ABCC1: variants seen among roughly 807,000 people sequenced by gnomAD.
The protein encoded by ABCC1 is multidrug resistance-associated protein 1.
ABCC1 carries 83 observed loss-of-function variants against 172.9 expected under a neutral mutation model. That is an observed-to-expected ratio of 0.48 (90% CI 0.40 to 0.58). The LOEUF is 0.58. Ranked by LOEUF, ABCC1 falls within the 20% of genes least tolerant of loss-of-function variation. The probability of loss-of-function intolerance (pLI) is 0.00; values close to 1 mark genes in which losing one functional copy is unlikely to be tolerated. For missense variants in ABCC1, 1,817 were observed against 2,002.7 expected (o/e 0.91, Z 1.77); for synonymous variants, 937 against 825.2 (o/e 1.14, Z -2.32).
At chr16:16,059,049 C>T (rs1003835645) in intron 12 of ABCC1, among the ~76,000 whole-genome samples, 4 of 151,814 alleles carry the variant, frequency 2.6e-5, no homozygotes, top group Admixed American at 6.6e-5. Context: ...GCTTTCCTAA[C>T]ATATCCCTAG....
At chr16:16,118,339 A>G (rs1420854537) in intron 23 of ABCC1, among the ~76,000 whole-genome samples, 1 of 147,518 alleles carries the variant, frequency 6.8e-6, no homozygotes, top group Non-Finnish European at 1.5e-5. Flanking sequence ...TGGCCCAATG[A>G]TTGATGAGAA....
intron 28 of ABCC1, among the ~76,000 whole-genome samples, chr16:16,136,253 A>G (rs2045913119): frequency 1.3e-5 from 2 of 151,956 alleles, no homozygotes; most frequent in African/African-American, 4.8e-5. Context: ...CGAACTCCTG[A>G]CCTTAAGTGA....
At chr16:16,118,883 T>TAAAAAAAA (rs397855738) in intron 23 of ABCC1, among the ~76,000 whole-genome samples, 6 of 118,426 alleles carry the variant, frequency 5.1e-5, no homozygotes, top group African/African-American at 6.4e-5. Context: ...AAGTGTATAT[T>TAAAAAAAA]AAAAAAAAAA....
intron 1 of ABCC1, among the ~76,000 whole-genome samples, chr16:15,969,187 G>C (rs1371610140): frequency 6.6e-6 from 1 of 152,152 alleles, no homozygotes; most frequent in African/African-American, 2.4e-5. Flanking sequence ...CTGGGCAACA[G>C]AGCAAGACTC....
chr16:16,065,608 T>G (rs2050082892), intron 12 of ABCC1, among the ~76,000 whole-genome samples: 1 of 152,094 alleles, frequency 6.6e-6, no homozygotes, highest in Non-Finnish European at 1.5e-5. Flanking sequence ...AATTTTTGTA[T>G]TTTTAGTAGA....
intron 1 of ABCC1, among the ~76,000 whole-genome samples, chr16:15,983,383 C>T (rs1379836884): frequency 1.3e-5 from 2 of 152,054 alleles, no homozygotes; most frequent in Non-Finnish European, 2.9e-5. Context: ...GTTTTCAGCG[C>T]AGTGTGAAGG....
chr16:15,954,796 G>T (rs71378214), intron 1 of ABCC1, among the ~76,000 whole-genome samples: 4 of 151,930 alleles, frequency 2.6e-5, no homozygotes, highest in South Asian at 4.2e-4. Context: ...GTGGTAGATG[G>T]GGGGGAAGAA....
chr16:16,121,682 T>C (rs190907310), intron 23 of ABCC1, among the ~76,000 whole-genome samples: 9 of 152,296 alleles, frequency 5.9e-5, no homozygotes, highest in African/African-American at 1.9e-4. Flanking sequence ...AATGAGCACC[T>C]CAGGTTTTTT....
rs574813083 is a variant in ABCC1, at chr16:15,981,364, G to A, written c.49-26452G>A. On this transcript the variant is annotated intron_variant, in intron 1 of 30. Coordinates refer to ENST00000399410, the MANE Select transcript of ABCC1 (RefSeq NM_004996.4). ...GCCCTAGCAGAGGTTCTCCATGAGG[G>A]CTCCACTGCTGCAGCAAACTTCTGC... Among the ~76,000 whole-genome samples, 8 of 152,342 alleles carry A rather than the reference G, an allele frequency of 5.3e-5. No individual in the cohort carries two copies. In the South Asian group the frequency reaches 1.7e-3, roughly 32 times the overall value.
chr16:16,009,739 C>T (rs573253198), intron 2 of ABCC1, 37 bp from the exon 3 acceptor site: 67 of 1,544,836 alleles, frequency 4.3e-5, no homozygotes, highest in South Asian at 3.5e-4. Flanking sequence ...GGTTCCAGGG[C>T]GGTCTGTTGT....
At chr16:16,138,648 T>G (rs994658937) in intron 30 of ABCC1, 90 bp downstream of exon 30, 10 of 1,094,130 alleles carry the variant, frequency 9.1e-6, no homozygotes, top group Admixed American at 3.3e-5. Context: ...TTCAACACTG[T>G]CCTTATCCCT....
chr16:16,034,649 A>G (rs2048687160), intron 6 of ABCC1, among the ~76,000 whole-genome samples: 1 of 137,000 alleles, frequency 7.3e-6, no homozygotes, highest in East Asian at 2.2e-4. Context: ...GTGCAGTGGC[A>G]GGACCTCAGC....
rs376570605 is a variant in ABCC1, at chr16:16,033,067, C to A, written c.616-42C>A. On this transcript the variant is annotated intron_variant, in intron 5 of 30. Coordinates refer to ENST00000399410, the MANE Select transcript of ABCC1 (RefSeq NM_004996.4). ...GACCTGGATGAAAAGTCAAATCATT[C>A]CTTTCCCTCTTCCTCCCAAACCTGT... 3.0e-5 allele frequency: 48 copies of A among 1,590,654 alleles called. No homozygotes were observed. The African/African-American group carries it at 5.9e-4, about 20-fold the overall frequency.
intron 26 of ABCC1, among the ~76,000 whole-genome samples, chr16:16,128,660 C>T (rs2045546074): frequency 6.6e-6 from 1 of 152,098 alleles, no homozygotes; most frequent in African/African-American, 2.4e-5. Context: ...CAATTATGTA[C>T]ATAAATTATA....
rs2045988932 is a variant in ABCC1, at chr16:16,138,224, C to CA, written c.4293-139dup. The CA allele has an allele frequency of 1.1e-5, 7 of 651,580 alleles. No homozygotes were observed. In the East Asian group the frequency reaches 1.9e-4, roughly 18 times the overall value. 40.4% of individuals were successfully genotyped at this position (651,580 alleles called of 1,614,324 possible). A position where few individuals can be genotyped will look rare whatever the true frequency, so the allele number is the denominator to read the frequency against. On this transcript the variant is annotated intron_variant, in intron 29 of 30. Transcript: ENST00000399410. ...ATTGATTAGTGATGTCTGCTGCAGACACAGATGTTGGGAGTGGACATGCTT... is the reference window on the plus strand; with the variant it reads ...ATTGATTAGTGATGTCTGCTGCAGACAACAGATGTTGGGAGTGGACATGCTT...
At chr16:15,958,042 G>A (rs1002506477) in intron 1 of ABCC1, among the ~76,000 whole-genome samples, 4 of 152,288 alleles carry the variant, frequency 2.6e-5, no homozygotes, top group African/African-American at 7.2e-5. Context: ...CCAGTTTGCC[G>A]CAGTCCCCAC....
chr16:16,118,924 G>C (rs7205368), intron 23 of ABCC1, among the ~76,000 whole-genome samples: 1 of 142,352 alleles, frequency 7.0e-6, no homozygotes, highest in Non-Finnish European at 1.5e-5. Context: ...GCAGTGCTTA[G>C]AATGTTCTCA....
At chr16:16,085,578 G>A (rs1024594078) in intron 17 of ABCC1, among the ~76,000 whole-genome samples, 2 of 152,164 alleles carry the variant, frequency 1.3e-5, no homozygotes, top group African/African-American at 4.8e-5. Flanking sequence ...TCAGGAGTTC[G>A]AGACCAGCCT....
intron 16 of ABCC1, among the ~76,000 whole-genome samples, chr16:16,079,929 G>A (rs992504880): frequency 4.6e-5 from 7 of 151,382 alleles, no homozygotes; most frequent in Non-Finnish European, 8.8e-5. Context: ...TTCTCCCTCA[G>A]CCTCCCGAGT....
Sources: allele counts gnomAD v4.1 joint callset (sites outside exome capture counted in the v4.1 genomes callset), GRCh38; gene constraint gnomAD v4.1.1; transcripts MANE v1.5; gene names NCBI Gene and HGNC (gene_info 2026-07-23, HGNC 2026-07-21).